FOS: variants seen among roughly 807,000 people sequenced by gnomAD.
FOS encodes Fos proto-oncogene, AP-1 transcription factor subunit.
Under a neutral mutation model 27.2 loss-of-function variants are expected in FOS, and 9 were observed. That is an observed-to-expected ratio of 0.33 (90% CI 0.20 to 0.58). FOS has a LOEUF of 0.58. FOS is among the 20% of genes least tolerant of loss of function. The probability of loss-of-function intolerance (pLI) is 0.87; values close to 1 mark genes in which losing one functional copy is unlikely to be tolerated. For synonymous variants in FOS, 213 were observed against 205.1 expected (o/e 1.04, Z -0.33); for missense variants, 405 against 483.5 (o/e 0.84, Z 1.52).
intron 2 of FOS, 121 bp from the exon 3 acceptor site, chr14:75,280,439 G>A (rs1897214612): frequency 2.5e-6 from 2 of 795,466 alleles, no homozygotes; most frequent in Non-Finnish European, 2.0e-6. Context: ...GTCAGAAATG[G>A]TTTCACAGTG....
Position 75,280,546 on chromosome 14 carries a change from T to G in FOS, c.394-14T>G. 1.9e-6 allele frequency: 3 copies of G among 1,602,048 alleles called. No individual in the cohort carries two copies. The highest frequency in any genetic ancestry group is 2.6e-6 in the Non-Finnish European group (3 of 1,169,966). ...CTTTTACTGAATGTCGGTCTTTTTT[T>G]GTGATTATTCTAGTTATCTCCAGAA... On this transcript the variant is annotated splice_polypyrimidine_tract_variant and intron_variant, in intron 2 of 3. Transcript: ENST00000303562.
chr14:75,280,103 T>C lies in FOS; in HGVS notation c.368T>C (p.Ile123Thr), dbSNP rs983768983. 2.5e-6 allele frequency: 4 copies of C among 1,613,850 alleles called. No individual in the cohort carries two copies. Among genetic ancestry groups the C allele is most frequent in the East Asian group, 2.2e-5 (1 of 44,898 alleles). Residue 123 changes from isoleucine (I) to threonine (T), a missense_variant, in exon 2 of 4, where the codon ATT (isoleucine) becomes ACT (threonine). Ile to Thr is a moderately conservative substitution (Grantham distance 89, BLOSUM62 -1). Coordinates refer to ENST00000303562, the MANE Select transcript of FOS (RefSeq NM_005252.4). The stretch of plus-strand genomic sequence containing the variant: ...ATGACAGGAGGCCGAGCGCAGAGCA[T>C]TGGCAGGAGGGGCAAGGTGGAACAG... ...KTMTGGRAQSIGRRGKVEQLS... is the reference protein window; with the variant it reads ...KTMTGGRAQSTGRRGKVEQLS...
In FOS at chr14:75,281,409, G is replaced by A. The variant is rs777597151; in HGVS notation, c.1128G>A (p.Thr376=). The A allele has an allele frequency of 4.3e-6, 7 of 1,610,876 alleles. No individual in the cohort carries two copies. In the Admixed American group the frequency reaches 6.7e-5, roughly 15 times the overall value. ...EPSSDSLSSP[T]LLAL ...CCTCTGACTCGCTCAGCTCACCCAC[G>A]CTGCTGGCCCTGTGAGGGGGCAGGG... Residue 376 remains threonine (T), a synonymous_variant, in exon 4 of 4, where the codon ACG becomes ACA. Coordinates refer to ENST00000303562, the MANE Select transcript of FOS (RefSeq NM_005252.4). This position sits in a 1 kb window ranked among gnomAD's most constrained non-coding sequence, Gnocchi z 4.7.
Position 75,280,048 on chromosome 14 carries a change from G to C in FOS, c.313G>C (p.Ala105Pro), listed in dbSNP as rs757058965. Residue 105 changes from alanine (A) to proline (P), a missense_variant, in exon 2 of 4, where the codon GCT becomes CCT. Coordinates refer to ENST00000303562, the MANE Select transcript of FOS (RefSeq NM_005252.4). ...CGGAGTCCCCGCCCCCTCCGCTGGG[G>C]CTTACTCCAGGGCTGGCGTTGTGAA... is the stretch of plus-strand genomic sequence containing the variant. ...PFGVPAPSAG[A>P]YSRAGVVKTM... is the part of the protein sequence containing the mutation. 1.9e-6 allele frequency: 3 copies of C among 1,614,182 alleles called. No homozygotes were observed. Among genetic ancestry groups the C allele is most frequent in the Non-Finnish European group, 2.5e-6 (3 of 1,180,040 alleles).
chr14:75,280,201 C>A, intron 2 of FOS, 73 bp downstream of exon 2: 1 of 1,601,566 alleles, frequency 6.2e-7, no homozygotes, highest in Non-Finnish European at 8.5e-7. Flanking sequence ...ATGCAGGAGC[C>A]CAGTACAGAG....
Position 75,281,629 on chromosome 14 carries a change from G to T in FOS, c.*205G>T. 1 of 602,230 alleles carries T rather than the reference G, an allele frequency of 1.7e-6. No individual in the cohort carries two copies. Among genetic ancestry groups the T allele is most frequent in the East Asian group, 2.8e-5 (1 of 35,922 alleles). 37.3% of individuals were successfully genotyped at this position (602,230 alleles called of 1,614,324 possible). A position where few individuals can be genotyped will look rare whatever the true frequency, so the allele number is the denominator to read the frequency against. Reference sequence around the variant, plus strand: ...TCAAGTCCTTACCTCTTCCGGAGATGTAGCAAAACGCATGGAGTGTGTATT... The same window carrying T: ...TCAAGTCCTTACCTCTTCCGGAGATTTAGCAAAACGCATGGAGTGTGTATT... On this transcript the variant is annotated 3_prime_UTR_variant, in exon 4 of 4. Coordinates refer to ENST00000303562, the MANE Select transcript of FOS (RefSeq NM_005252.4). The surrounding 1 kb of genome is among the most constrained non-coding windows in gnomAD (Gnocchi z 4.7).
chr14:75,280,075 A>G lies in FOS; in HGVS notation c.340A>G (p.Thr114Ala). 1 of 1,614,140 alleles carries G rather than the reference A, an allele frequency of 6.2e-7. No homozygotes were observed. The highest frequency in any genetic ancestry group is 8.5e-7 in the Non-Finnish European group (1 of 1,180,038). The change falls in exon 2 of 4, where the codon ACC (threonine) becomes GCC (alanine). Residue 114 changes from threonine to alanine, a missense_variant. Coordinates refer to ENST00000303562, the MANE Select transcript of FOS (RefSeq NM_005252.4). ...GAYSRAGVVKTMTGGRAQSIG... is the reference protein window; with the variant it reads ...GAYSRAGVVKAMTGGRAQSIG... ...TTACTCCAGGGCTGGCGTTGTGAAG[A>G]CCATGACAGGAGGCCGAGCGCAGAG... is the stretch of plus-strand genomic sequence containing the variant.
rs780847158 is a variant in FOS at position 75,281,156 on chromosome 14, T to C, written c.875T>C (p.Met292Thr). ...GAGACAGCCCGCTCCGTGCCAGACA[T>C]GGACCTATCTGGGTCCTTCTATGCA... ...GSETARSVPD[M>T]DLSGSFYAAD... is the part of the protein sequence containing the mutation. The change falls in exon 4 of 4, where the codon ATG (methionine) becomes ACG (threonine). Residue 292 changes from methionine (M) to threonine (T), a missense_variant. By Grantham distance (81) the Met-to-Thr change is moderately conservative. Coordinates refer to ENST00000303562, the MANE Select transcript of FOS (RefSeq NM_005252.4). The surrounding 1 kb of genome is among the most constrained non-coding windows in gnomAD (Gnocchi z 4.7). 21 of 1,610,864 alleles carry C rather than the reference T, an allele frequency of 1.3e-5. No individual in the cohort carries two copies. Among genetic ancestry groups the C allele is most frequent in the Non-Finnish European group, 1.8e-5 (21 of 1,180,024 alleles).
rs1270279595 is a variant in FOS, at chr14:75,281,288, C to T, written c.1007C>T (p.Ala336Val). ...PVVTCTPSCTAYTSSFVFTYP... is the reference protein window; with the variant it reads ...PVVTCTPSCTVYTSSFVFTYP... ...GTCACCTGTACTCCCAGCTGCACTG[C>T]TTACACGTCTTCCTTCGTCTTCACC... The change falls in exon 4 of 4, where the codon GCT (alanine) becomes GTT (valine). Residue 336 changes from alanine (A) to valine (V), a missense_variant. By Grantham distance (64) the Ala-to-Val change is moderately conservative (BLOSUM62 0). Coordinates refer to ENST00000303562, the MANE Select transcript of FOS (RefSeq NM_005252.4). This position sits in a 1 kb window ranked among gnomAD's most constrained non-coding sequence, Gnocchi z 4.7. 6.2e-7 allele frequency: 1 copy of T among 1,610,784 alleles called. No individual in the cohort carries two copies. The highest frequency in any genetic ancestry group is 8.5e-7 in the Non-Finnish European group (1 of 1,180,010).
chr14:75,278,951 G>A lies in FOS; in HGVS notation c.-32G>A, dbSNP rs1897193755. ...CAGCGCCCACCTGTCTCCGCCCCTC[G>A]GCCCCTCGCCCGGCTTTGCCTAACC... On this transcript the variant is annotated 5_prime_UTR_variant, in exon 1 of 4. Coordinates refer to ENST00000303562, the MANE Select transcript of FOS (RefSeq NM_005252.4). The surrounding 1 kb of genome is among the most constrained non-coding windows in gnomAD (Gnocchi z 4.1). 1 of 1,612,046 alleles carries A rather than the reference G, an allele frequency of 6.2e-7. No homozygotes were observed. The highest frequency in any genetic ancestry group is 1.1e-5 in the South Asian group (1 of 90,962).
Position 75,279,947 on chromosome 14 carries a change from C to G in FOS, c.212C>G (p.Pro71Arg), listed in dbSNP as rs1000193997. ...IPTVTAISTS[P>R]DLQWLVQPAL... ...ACGGTCACTGCCATCTCGACCAGTC[C>G]GGACCTGCAGTGGCTGGTGCAGCCC... Residue 71 changes from proline (P) to arginine (R), a missense_variant, in exon 2 of 4, where the codon CCG becomes CGG. Physicochemically the swap from Pro to Arg is moderately radical, Grantham distance 103. Transcript: ENST00000303562. The surrounding 1 kb of genome is among the most constrained non-coding windows in gnomAD (Gnocchi z 5.4). 6.2e-7 allele frequency: 1 copy of G among 1,614,158 alleles called. No individual in the cohort carries two copies. The highest frequency in any genetic ancestry group is 8.5e-7 in the Non-Finnish European group (1 of 1,180,006).
rs760336231 is a variant in FOS, at chr14:75,280,666, C to T, written c.500C>T (p.Ala167Val). 12 of 1,612,404 alleles carry T rather than the reference C, an allele frequency of 7.4e-6. No individual in the cohort carries two copies. The Admixed American group carries it at 1.0e-4, about 13-fold the overall frequency. The change falls in exon 3 of 4, where the codon GCG becomes GTG. Residue 167 changes from alanine (A) to valine (V), a missense_variant and splice_region_variant. Ala to Val is a moderately conservative substitution (Grantham distance 64). Coordinates refer to ENST00000303562, the MANE Select transcript of FOS (RefSeq NM_005252.4). Reference sequence around the variant, plus strand: ...AGGGAGCTGACTGATACACTCCAAGCGGTAGGTACTCTGTGGGTTGCTCCT... The same window carrying T: ...AGGGAGCTGACTGATACACTCCAAGTGGTAGGTACTCTGTGGGTTGCTCCT... Reference protein sequence around the residue: ...RRRELTDTLQAETDQLEDEKS... With the variant: ...RRRELTDTLQVETDQLEDEKS...
chr14:75,281,377 G>C lies in FOS; in HGVS notation c.1096G>C (p.Glu366Gln), dbSNP rs1367891567. The change falls in exon 4 of 4, where the codon GAG becomes CAG. Residue 366 changes from glutamate to glutamine, a missense_variant. Coordinates refer to ENST00000303562, the MANE Select transcript of FOS (RefSeq NM_005252.4). This position sits in a 1 kb window ranked among gnomAD's most constrained non-coding sequence, Gnocchi z 4.7. ...CCACCGCAAGGGCAGCAGCAGCAAT[G>C]AGCCTTCCTCTGACTCGCTCAGCTC... ...AAHRKGSSSN[E>Q]PSSDSLSSPT... 1 of 1,611,690 alleles carries C rather than the reference G, an allele frequency of 6.2e-7. No homozygotes were observed. Among genetic ancestry groups the C allele is most frequent in the Non-Finnish European group, 8.5e-7 (1 of 1,180,022 alleles).
chr14:75,279,184 C>A lies in FOS; in HGVS notation c.141+61C>A, dbSNP rs1182880024. On this transcript the variant is annotated intron_variant, in intron 1 of 3. Transcript: ENST00000303562. This position sits in a 1 kb window ranked among gnomAD's most constrained non-coding sequence, Gnocchi z 5.4. ...CTTGGGGTCGCGGAGGAGGAGACAC[C>A]GGGCGGGACGCTCCAGTAGATGAGT... The A allele has an allele frequency of 1.9e-6, 3 of 1,599,894 alleles. No homozygotes were observed. Among genetic ancestry groups the A allele is most frequent in the African/African-American group, 1.3e-5 (1 of 74,848 alleles).
Sources: gnomAD v4.1 joint callset for allele counts on GRCh38, gnomAD v4.1.1 for gene constraint, Gnocchi (gnomAD v3.1) non-coding constraint, MANE v1.5 for transcripts, NCBI Gene and HGNC (gene_info 2026-07-23, HGNC 2026-07-21) for gene names.